ZNF599: variants seen among roughly 807,000 people sequenced by gnomAD.
The protein encoded by ZNF599 is zinc finger protein 599.
A neutral mutation model predicts 11.7 loss-of-function variants in ZNF599; 10 were observed. The observed-to-expected ratio is 0.86, with a 90% CI of 0.53 to 1.45. The LOEUF is 1.45. Ranked by LOEUF, ZNF599 falls within the 40% of genes most tolerant of loss-of-function variation. The probability of loss-of-function intolerance (pLI) is 0.00; values close to 1 mark genes in which losing one functional copy is unlikely to be tolerated. For missense variants in ZNF599, 688 were observed against 713.6 expected (o/e 0.96, Z 0.41); for synonymous variants, 232 against 253.2 (o/e 0.92, Z 0.79).
rs770536432 is a variant in ZNF599 at position 34,759,102 on chromosome 19, C to G, written c.1699G>C (p.Glu567Gln). The change falls in exon 4 of 4, where the codon GAA becomes CAA. Residue 567 changes from glutamate to glutamine, a missense_variant. Coordinates refer to ENST00000329285, the MANE Select transcript of ZNF599 (RefSeq NM_001007248.3). Reference protein sequence around the residue: ...HTGEKPFECNECGKTFSHSSS... With the variant: ...HTGEKPFECNQCGKTFSHSSS... ...CTGTGGCTGAAGGTCTTTCCACATT[C>G]ATTGCATTCAAAGGGTTTCTCTCCA... is the stretch of plus-strand genomic sequence containing the variant. 1.2e-6 allele frequency: 2 copies of G among 1,614,068 alleles called. No homozygotes were observed. The highest frequency in any genetic ancestry group is 1.3e-5 in the African/African-American group (1 of 74,942).
At chr19:34,795,032 T>C in the ZNF599 span, among the ~76,000 whole-genome samples, 1 of 152,198 alleles carries the variant, frequency 6.6e-6, no homozygotes, top group African/African-American at 2.4e-5. Flanking sequence ...ATTTTCTGGG[T>C]CAGAAGATGG....
chr19:34,777,696 A>G (rs1051634008), upstream of ZNF599, among the ~76,000 whole-genome samples: 1 of 149,616 alleles, frequency 6.7e-6, no homozygotes, highest in Non-Finnish European at 1.5e-5. Flanking sequence ...CCCAGAGAGC[A>G]TTATGCTCAG....
chr19:34,794,799 G>T, the ZNF599 span, among the ~76,000 whole-genome samples: 1 of 152,160 alleles, frequency 6.6e-6, no homozygotes, highest in African/African-American at 2.4e-5. Flanking sequence ...TCAAATTCCT[G>T]ACCTTAAGTG....
upstream of ZNF599, among the ~76,000 whole-genome samples, chr19:34,774,780 C>T (rs968134942): frequency 1.3e-5 from 2 of 152,146 alleles, no homozygotes; most frequent in African/African-American, 2.4e-5. Context: ...CAGTCTCTGA[C>T]CTCATCTGAA....
chr19:34,798,773 C>T, the ZNF599 span, among the ~76,000 whole-genome samples: 2 of 152,204 alleles, frequency 1.3e-5, no homozygotes, highest in African/African-American at 4.8e-5. Context: ...TGGGATCCTT[C>T]AACCTCTGAA....
the ZNF599 span, among the ~76,000 whole-genome samples, chr19:34,778,893 CA>C: frequency 6.6e-6 from 1 of 152,128 alleles, no homozygotes; most frequent in Non-Finnish European, 1.5e-5. Context: ...GGATATCTCA[CA>C]AAAGTAGATA....
chr19:34,800,593 T>TTG, the ZNF599 span, among the ~76,000 whole-genome samples: 18 of 146,530 alleles, frequency 1.2e-4, no homozygotes, highest in Admixed American at 4.7e-4. Flanking sequence ...TTTGTTTTTT[T>TTG]TTTTTTTTTT....
intron 1 of ZNF599, 113 bp downstream of exon 1, chr19:34,772,711 C>T: frequency 8.6e-6 from 13 of 1,520,374 alleles, no homozygotes; most frequent in Non-Finnish European, 1.1e-5. Context: ...ATCTCCATAA[C>T]CTAGGGCATC....
Position 34,759,089 on chromosome 19 carries a change from G to A in ZNF599, c.1712C>T (p.Thr571Ile). The change falls in exon 4 of 4, where the codon ACC (threonine) becomes ATC (isoleucine). Residue 571 changes from threonine to isoleucine, a missense_variant. Thr to Ile is a moderately conservative substitution (Grantham distance 89). Coordinates refer to ENST00000329285, the MANE Select transcript of ZNF599 (RefSeq NM_001007248.3). ...AGTGAACGATGAACTGTGGCTGAAG[G>A]TCTTTCCACATTCATTGCATTCAAA... The part of the protein sequence containing the change: ...KPFECNECGK[T>I]FSHSSSFTHH... The A allele has an allele frequency of 6.2e-7, 1 of 1,614,106 alleles. No individual in the cohort carries two copies. Among genetic ancestry groups the A allele is most frequent in the South Asian group, 1.1e-5 (1 of 91,080 alleles).
chr19:34,772,887 G>C lies in ZNF599; in HGVS notation c.-46C>G. The C allele has an allele frequency of 7.1e-7, 1 of 1,416,984 alleles. No individual in the cohort carries two copies. The allele number at this position is 1,416,984 out of a possible 1,614,324, so 87.8% of individuals were successfully genotyped here. On this transcript the variant is annotated 5_prime_UTR_variant, in exon 1 of 4. Transcript: ENST00000329285. ...GGCCGTGAGAGTCGGCGAGGAAGCC[G>C]GTCCTGCGGGCTCGGCCGACCCCGG...
At chr19:34,784,226 C>T in the ZNF599 span, among the ~76,000 whole-genome samples, 290 of 152,276 alleles carry the variant, frequency 1.9e-3, no homozygotes, top group African/African-American at 6.5e-3. Context: ...TACACCCCTC[C>T]GGTCACATGG....
chr19:34,760,244 G>C lies in ZNF599; in HGVS notation c.557C>G (p.Pro186Arg), dbSNP rs763661525. ...DALHECDSQGPGKDPMTDARN... is the reference protein window; with the variant it reads ...DALHECDSQGRGKDPMTDARN... ...TGCATCAGTCATGGGGTCTTTTCCT[G>C]GTCCTTGAGAGTCACACTCATGGAG... Residue 186 changes from proline (P) to arginine (R), a missense_variant, in exon 4 of 4, where the codon CCA (proline) becomes CGA (arginine). By Grantham distance (103) the Pro-to-Arg change is moderately radical. Transcript: ENST00000329285. 1 of 1,614,102 alleles carries C rather than the reference G, an allele frequency of 6.2e-7. No individual in the cohort carries two copies. The highest frequency in any genetic ancestry group is 8.5e-7 in the Non-Finnish European group (1 of 1,180,018).
chr19:34,778,783 G>A, the ZNF599 span, among the ~76,000 whole-genome samples: 345 of 152,234 alleles, frequency 2.3e-3, 2 homozygotes, highest in African/African-American at 7.9e-3. Flanking sequence ...AATGACTGAA[G>A]TACTAACAAA....
chr19:34,805,502 T>G, the ZNF599 span, among the ~76,000 whole-genome samples: 1 of 152,118 alleles, frequency 6.6e-6, no homozygotes, highest in Non-Finnish European at 1.5e-5. Flanking sequence ...AGCTGCTACC[T>G]TTTTTTCTCT....
At chr19:34,786,918 T>C in the ZNF599 span, among the ~76,000 whole-genome samples, 4 of 152,196 alleles carry the variant, frequency 2.6e-5, no homozygotes, top group African/African-American at 9.7e-5. Context: ...AGGGTCTTTG[T>C]GTACTAACAT....
chr19:34,778,740 A>C, the ZNF599 span, among the ~76,000 whole-genome samples: 1 of 152,364 alleles, frequency 6.6e-6, no homozygotes, highest in Non-Finnish European at 1.5e-5. Context: ...AATATTTCTC[A>C]ACTTAGCAAA....
At chr19:34,781,296 A>G in the ZNF599 span, among the ~76,000 whole-genome samples, 52 of 152,348 alleles carry the variant, frequency 3.4e-4, 1 homozygote, top group South Asian at 7.7e-3. Flanking sequence ...GAAAGAAGAA[A>G]AAGAAAAAAT....
At chr19:34,780,524 TAAGGAAGGAAGGAAAA>T in the ZNF599 span, among the ~76,000 whole-genome samples, 1 of 142,724 alleles carries the variant, frequency 7.0e-6, no homozygotes, top group African/African-American at 2.6e-5. Flanking sequence ...GAGAAGAAAT[TAAGGAAGGAAGGAAAA>T]AAGGAAGGAA....
the ZNF599 span, among the ~76,000 whole-genome samples, chr19:34,797,997 C>G: frequency 1.2e-4 from 18 of 152,270 alleles, no homozygotes; most frequent in South Asian, 1.9e-3. Context: ...ATTCCCAGAG[C>G]TATGAACATC....
Sources: allele counts gnomAD v4.1 joint callset (sites outside exome capture counted in the v4.1 genomes callset), GRCh38; gene constraint gnomAD v4.1.1; transcripts MANE v1.5; gene names NCBI Gene and HGNC (gene_info 2026-07-23, HGNC 2026-07-21).